GARNL3: variants seen among roughly 807,000 people sequenced by gnomAD.
GARNL3 encodes the protein GTPase activating Rap/RanGAP domain like 3.
GARNL3 carries 63 observed loss-of-function variants against 125.0 expected under a neutral mutation model. The observed-to-expected ratio is 0.50, with a 90% CI of 0.41 to 0.62. The LOEUF is 0.62. GARNL3 is among the 20% of genes least tolerant of loss of function. GARNL3 has a pLI of 0.00. For missense variants in GARNL3, 994 were observed against 1,244.0 expected (o/e 0.80, Z 3.02); for synonymous variants, 439 against 457.5 (o/e 0.96, Z 0.52).
intron 26 of GARNL3, among the ~76,000 whole-genome samples, chr9:127,389,921 TAAAAAAAAAAAAAAA>T (rs1169168184): frequency 1.3e-5 from 1 of 78,686 alleles, no homozygotes; most frequent in African/African-American, 5.0e-5. Context: ...ACCCTGTCTT[TAAAAAAAAAAAAAAA>T]AAAAAAAAAA....
At chr9:127,353,031 A>G (rs1200701129) in intron 17 of GARNL3, among the ~76,000 whole-genome samples, 2 of 152,302 alleles carry the variant, frequency 1.3e-5, no homozygotes, top group Admixed American at 6.5e-5. Context: ...GAACAGCCTT[A>G]GTAATTATTT....
intron 3 of GARNL3, among the ~76,000 whole-genome samples, chr9:127,311,939 T>C (rs1424319081): frequency 2.0e-5 from 3 of 152,184 alleles, no homozygotes; most frequent in Non-Finnish European, 2.9e-5. Flanking sequence ...CATAGTTTCC[T>C]TTTTTTATGG....
At chr9:127,244,465 G>A (rs1217734595) in intron 2 of GARNL3, among the ~76,000 whole-genome samples, 1 of 152,126 alleles carries the variant, frequency 6.6e-6, no homozygotes, top group African/African-American at 2.4e-5. Context: ...ATTACCCAGG[G>A]TAGCTTTAAA....
chr9:127,339,729 CA>C lies in GARNL3; in HGVS notation c.1114del (p.Arg372GlyfsTer5). 1 of 1,612,588 alleles carries C rather than the reference CA, an allele frequency of 6.2e-7. No homozygotes were observed. Among genetic ancestry groups the C allele is most frequent in the Non-Finnish European group, 8.5e-7 (1 of 1,178,564 alleles). ...PPVFTDHQEFRDFLLVKLING... is the reference protein window; with the variant it reads ...PPVFTDHQEFXDFLLVKLING... ...CAGTGTTTACAGACCACCAGGAATT[CA>C]GGGACTTTTTGCTAGTGAAATGTAA... On this transcript the variant is annotated frameshift_variant, in exon 13 of 28. Coordinates refer to ENST00000373387, the MANE Select transcript of GARNL3 (RefSeq NM_032293.5). LOFTEE classifies it high-confidence loss of function.
chr9:127,309,370 A>T (rs893162833), intron 2 of GARNL3, among the ~76,000 whole-genome samples: 3 of 152,206 alleles, frequency 2.0e-5, no homozygotes, highest in African/African-American at 7.2e-5. Context: ...GGTTCTGGAG[A>T]TAATGCATAT....
chr9:127,375,000 G>T (rs143590135), intron 22 of GARNL3, among the ~76,000 whole-genome samples: 1 of 151,986 alleles, frequency 6.6e-6, no homozygotes, highest in African/African-American at 2.4e-5. Context: ...AAATGAAAAC[G>T]ATTGCTCGTA....
chr9:127,332,147 G>T, intron 7 of GARNL3, 127 bp from the exon 8 acceptor site: 1 of 690,794 alleles, frequency 1.4e-6, no homozygotes. Context: ...AGATGGATGG[G>T]AGGAAGGGAT....
intron 22 of GARNL3, among the ~76,000 whole-genome samples, chr9:127,382,066 T>G (rs1047156739): frequency 1.1e-4 from 16 of 152,094 alleles, no homozygotes; most frequent in African/African-American, 3.6e-4. Context: ...TGTGGGAGGC[T>G]GGGGCGAGTG....
At chr9:127,265,516 C>T (rs769034432) in intron 1 of GARNL3, among the ~76,000 whole-genome samples, 2 of 151,844 alleles carry the variant, frequency 1.3e-5, no homozygotes, top group African/African-American at 2.4e-5. Context: ...TATGGATGAT[C>T]AATATTTGGA....
In GARNL3 at chr9:127,383,447, T is replaced by A. The variant is rs143167241; in HGVS notation, c.2171T>A (p.Ile724Asn). 2.4e-5 allele frequency: 38 copies of A among 1,606,052 alleles called. No individual in the cohort carries two copies. The Admixed American group carries it at 5.2e-4, about 22-fold the overall frequency. Residue 724 changes from isoleucine (I) to asparagine (N), a missense_variant, in exon 23 of 28, where the codon ATC becomes AAC. Physicochemically the swap from Ile to Asn is moderately radical, Grantham distance 149. Around this residue, in one of 5 missense-constraint regions of GARNL3, gnomAD observed 728 missense variants for 865.7 expected, o/e 0.84. Coordinates refer to ENST00000373387, the MANE Select transcript of GARNL3 (RefSeq NM_032293.5). ...GLLLCYNYSC[I>N]YKKVCPFNGG... ...GTTGTTTTCATTGCAGACAGTTGCA[T>A]CTATAAAAAGGTTTGCCCCTTTAAT...
intron 22 of GARNL3, among the ~76,000 whole-genome samples, chr9:127,378,105 G>A (rs1471801951): frequency 2.0e-5 from 3 of 151,910 alleles, no homozygotes; most frequent in Admixed American, 6.6e-5. Context: ...GCCAGGCATG[G>A]TGGCACATGC....
intron 11 of GARNL3, among the ~76,000 whole-genome samples, chr9:127,337,122 A>G (rs1479329920): frequency 6.6e-6 from 1 of 152,164 alleles, no homozygotes; most frequent in Non-Finnish European, 1.5e-5. Flanking sequence ...CCATGAGGGT[A>G]GGGAAGCAAA....
intron 1 of GARNL3, among the ~76,000 whole-genome samples, chr9:127,225,769 G>A (rs2062898089): frequency 5.9e-5 from 2 of 34,110 alleles, no homozygotes; most frequent in Non-Finnish European, 1.3e-4. Flanking sequence ...GCGCCCGCGT[G>A]CCCTGGCAGC....
At chr9:127,335,793 G>A (rs1829520050) in intron 10 of GARNL3, among the ~76,000 whole-genome samples, 1 of 152,140 alleles carries the variant, frequency 6.6e-6, no homozygotes, top group South Asian at 2.1e-4. Context: ...ATCATAAGTG[G>A]TCCTGTGTGA....
At chr9:127,353,728 T>G (rs1035373751) in intron 17 of GARNL3, 118 bp from the exon 18 acceptor site, 2 of 762,920 alleles carry the variant, frequency 2.6e-6, no homozygotes, top group Non-Finnish European at 4.8e-6. Context: ...CCCTAGAAGC[T>G]GACTTCCTTC....
chr9:127,391,533 A>AAAAAAAAAAAAAAAAAAAAAAAAATATAT, intron 27 of GARNL3, among the ~76,000 whole-genome samples: 8 of 75,858 alleles, frequency 1.1e-4, no homozygotes, highest in East Asian at 7.9e-4. Context: ...ACAAAAAAAA[A>AAAAAAAAAAAAAAAAAAAAAAAAATATAT]ATATATATAT....
chr9:127,291,110 C>A, intron 1 of GARNL3, 58 bp from the exon 2 acceptor site: 1 of 1,538,530 alleles, frequency 6.5e-7, no homozygotes, highest in Non-Finnish European at 9.0e-7. Flanking sequence ...AGGATAATTA[C>A]ATACAGATAG....
chr9:127,343,195 G>A (rs139966316), intron 14 of GARNL3, among the ~76,000 whole-genome samples: 15 of 152,018 alleles, frequency 9.9e-5, no homozygotes, highest in Middle Eastern at 3.4e-3. Flanking sequence ...CACTGCGCCC[G>A]GCCGACCAGC....
chr9:127,325,467 G>T (rs1481800944), intron 7 of GARNL3, among the ~76,000 whole-genome samples: 2 of 151,994 alleles, frequency 1.3e-5, no homozygotes, highest in Admixed American at 1.3e-4. Flanking sequence ...GCCATTCCCT[G>T]TTGCCCCCAT....
Sources: gnomAD v4.1 joint callset for allele counts (sites outside exome capture counted in the v4.1 genomes callset) on GRCh38, gnomAD v4.1.1 for gene constraint, gnomAD v4.1.1 regional missense constraint, MANE v1.5 for transcripts, NCBI Gene and HGNC (gene_info 2026-07-23, HGNC 2026-07-21) for gene names.